The following ARMC10 variants were observed in gnomAD, a reference collection of about 807,000 sequenced individuals.
ARMC10 encodes armadillo repeat containing 10.
ARMC10 carries 23 observed loss-of-function variants against 30.2 expected under a neutral mutation model. The observed-to-expected ratio is 0.76, with a 90% CI of 0.55 to 1.08. The LOEUF is 1.08. ARMC10 is among the 50% of genes least tolerant of loss of function. The pLI is 0.00. For missense variants in ARMC10, 303 were observed against 413.7 expected, an observed-to-expected ratio of 0.73 and a Z score of 2.32; for synonymous variants, 111 against 164.4, an observed-to-expected ratio of 0.68 and a Z score of 2.48.
chr7:103,075,888 G>A lies in ARMC10; in HGVS notation c.244+7G>A, dbSNP rs1242205711. ...TCCAAGACCTCGCAGCCTGGTGTGTGTTTTGGAAATGGGAACAGTTGTCTG... is the reference window on the plus strand; with the variant it reads ...TCCAAGACCTCGCAGCCTGGTGTGTATTTTGGAAATGGGAACAGTTGTCTG... On this transcript the variant is annotated splice_region_variant and intron_variant, in intron 2 of 6. Coordinates refer to ENST00000323716, the MANE Select transcript of ARMC10 (RefSeq NM_031905.5). The A allele has an allele frequency of 1.9e-6, 3 of 1,581,456 alleles. No individual in the cohort carries two copies. In the African/African-American group the frequency reaches 4.0e-5, roughly 21 times the overall value.
At chr7:103,076,814 G>A (rs1324102488) in intron 2 of ARMC10, among the ~76,000 whole-genome samples, 2 of 149,154 alleles carry the variant, frequency 1.3e-5, no homozygotes, top group South Asian at 2.2e-4. Context: ...CAGCTTGTGC[G>A]ACAGAGCAAG....
At chr7:103,094,858 T>C (rs1801631901) in intron 5 of ARMC10, among the ~76,000 whole-genome samples, 1 of 152,244 alleles carries the variant, frequency 6.6e-6, no homozygotes, top group Non-Finnish European at 1.5e-5. Context: ...TGGACACTGC[T>C]GAGGATTGGA....
In ARMC10 at chr7:103,081,975, C is replaced by G. The variant is rs187832461; in HGVS notation, c.245-1707C>G. On this transcript the variant is annotated intron_variant, in intron 2 of 6. Transcript: ENST00000323716. The stretch of plus-strand genomic sequence containing the variant: ...TTTCTGCTACTAACTACCCCTGTGA[C>G]TTTAGGCAGATCCTTGAACAATCCT... 2.0e-5 allele frequency: 9 copies of G among 455,566 alleles called. 1 individual carries two copies. Among genetic ancestry groups the G allele is most frequent in the Admixed American group, 1.9e-4 (8 of 42,440 alleles). 28.2% of individuals were successfully genotyped at this position (455,566 alleles called of 1,614,324 possible).
At chr7:103,092,433 A>C (rs1237116674) in intron 4 of ARMC10, 44 bp from the exon 5 acceptor site, 1 of 1,476,240 alleles carries the variant, frequency 6.8e-7, no homozygotes, top group East Asian at 2.3e-5. Flanking sequence ...CAGTAGAAAA[A>C]TTTTGGAGAT....
chr7:103,083,836 T>C lies in ARMC10; in HGVS notation c.393+6T>C. On this transcript the variant is annotated splice_donor_region_variant and intron_variant, in intron 3 of 6. Coordinates refer to ENST00000323716, the MANE Select transcript of ARMC10 (RefSeq NM_031905.5). ...CAGCCTTTTCAGTTAACCAAGTAAG[T>C]ACCTCAACTCAGCAAGCAAGCTCTT... 3.1e-6 allele frequency: 5 copies of C among 1,612,892 alleles called. No individual in the cohort carries two copies. Among genetic ancestry groups the C allele is most frequent in the Non-Finnish European group, 4.2e-6 (5 of 1,179,540 alleles).
At chr7:103,086,942 A>G (rs1175491676) in intron 4 of ARMC10, 178 bp downstream of exon 4, 1 of 1,472,472 alleles carries the variant, frequency 6.8e-7, no homozygotes, top group Admixed American at 2.1e-5. Context: ...TAAGAGGTAC[A>G]ATAAGACTTT....
chr7:103,087,044 C>G, intron 4 of ARMC10: 1 of 644,972 alleles, frequency 1.6e-6, no homozygotes, highest in Non-Finnish European at 2.2e-6. Context: ...AGGCTATAGG[C>G]ACCAACCAAA....
chr7:103,092,632 T>A lies in ARMC10; in HGVS notation c.684T>A (p.Leu228=). ...TTACAGACCTGTTCCAGGTGTTACT[T>A]ACTGGAAATGGAAACACGAAGGTAT... ...SYITDLFQVL[L]TGNGNTKVQV... is the part of the protein sequence containing the mutation. Residue 228 remains leucine (L), a synonymous_variant, in exon 5 of 7, where the codon CTT becomes CTA. Coordinates refer to ENST00000323716, the MANE Select transcript of ARMC10 (RefSeq NM_031905.5). 1 of 1,573,952 alleles carries A rather than the reference T, an allele frequency of 6.4e-7. No homozygotes were observed. Among genetic ancestry groups the A allele is most frequent in the South Asian group, 1.1e-5 (1 of 88,244 alleles).
At chr7:103,076,167 A>G (rs1312131686) in intron 2 of ARMC10, among the ~76,000 whole-genome samples, 2 of 152,242 alleles carry the variant, frequency 1.3e-5, no homozygotes, top group Non-Finnish European at 2.9e-5. Context: ...GATAGCAGGA[A>G]GAATTCTAAT....
At chr7:103,097,965 A>C (rs913432060) in intron 6 of ARMC10, among the ~76,000 whole-genome samples, 1 of 152,214 alleles carries the variant, frequency 6.6e-6, no homozygotes, top group African/African-American at 2.4e-5. Flanking sequence ...ATGAGTTCCC[A>C]TGAAAACCGT....
chr7:103,098,125 T>C (rs567001370), intron 6 of ARMC10, among the ~76,000 whole-genome samples, 174 bp from the exon 7 acceptor site: 2 of 152,328 alleles, frequency 1.3e-5, no homozygotes, highest in African/African-American at 4.8e-5. Context: ...ATCTAAGTTA[T>C]GAAATTTTGG....
intron 6 of ARMC10, 60 bp downstream of exon 6, chr7:103,097,408 CAG>C: frequency 8.1e-7 from 1 of 1,241,280 alleles, no homozygotes; most frequent in Non-Finnish European, 1.2e-6. Context: ...AACAGACAGA[CAG>C]ATCTGGAAAG....
chr7:103,095,402 C>G (rs1360921054), intron 5 of ARMC10, among the ~76,000 whole-genome samples: 1 of 152,196 alleles, frequency 6.6e-6, no homozygotes, highest in Non-Finnish European at 1.5e-5. Flanking sequence ...CCAAAAATAC[C>G]AACACTTAAT....
At chr7:103,088,589 TGTTA>T in intron 4 of ARMC10, 1 of 161,168 alleles carries the variant, frequency 6.2e-6, no homozygotes, top group Non-Finnish European at 1.4e-5. Flanking sequence ...ATCAAATGAA[TGTTA>T]ATTAAACAAA....
intron 5 of ARMC10, among the ~76,000 whole-genome samples, chr7:103,092,954 T>G (rs1397592096): frequency 1.3e-5 from 2 of 151,744 alleles, no homozygotes; most frequent in African/African-American, 4.8e-5. Flanking sequence ...GTTGAATATT[T>G]TGCTTACCTC....
intron 2 of ARMC10, 65 bp downstream of exon 2, chr7:103,075,946 T>A (rs1799747689): frequency 1.6e-6 from 2 of 1,250,742 alleles, no homozygotes; most frequent in African/African-American, 1.5e-5. Context: ...GACAAATGCA[T>A]GATTCGGTTT....
At chr7:103,078,565 T>C (rs954912448) in intron 2 of ARMC10, among the ~76,000 whole-genome samples, 1 of 152,238 alleles carries the variant, frequency 6.6e-6, no homozygotes, top group Non-Finnish European at 1.5e-5. Flanking sequence ...CCTTTATAAA[T>C]TACCCAGTCT....
chr7:103,088,524 C>T (rs1396982865), intron 4 of ARMC10: 3 of 152,354 alleles, frequency 2.0e-5, no homozygotes, highest in East Asian at 3.8e-4. Context: ...TTTTACTCTA[C>T]TTGCTTAGTT....
In ARMC10 at chr7:103,086,780, A is replaced by G; in HGVS notation, c.528+16A>G. The G allele has an allele frequency of 1.3e-6, 2 of 1,587,446 alleles. No homozygotes were observed. Among genetic ancestry groups the G allele is most frequent in the Non-Finnish European group, 1.7e-6 (2 of 1,172,088 alleles). ...CAAGATAAAGGTAAGTTGACTGAAA[A>G]TCACAAATGTATAAGGTTTTCTATA... On this transcript the variant is annotated intron_variant, in intron 4 of 6. Coordinates refer to ENST00000323716, the MANE Select transcript of ARMC10 (RefSeq NM_031905.5).
Sources: gnomAD v4.1 joint callset for allele counts (sites outside exome capture counted in the v4.1 genomes callset) on GRCh38, gnomAD v4.1.1 for gene constraint, MANE v1.5 for transcripts, NCBI Gene and HGNC (gene_info 2026-07-23, HGNC 2026-07-21) for gene names.